Variants in RBL2 observed in about 807,000 individuals in gnomAD.
The protein encoded by RBL2 is RB transcriptional corepressor like 2, also known as retinoblastoma-like protein 2.
In RBL2, 56 loss-of-function variants were observed where a neutral mutation model predicts 126.0. The observed-to-expected ratio is 0.44, with a 90% CI of 0.36 to 0.56. The LOEUF is 0.56. Among genes scored for constraint, RBL2 ranks in the 20% least tolerant of loss-of-function variants. RBL2 has a pLI of 0.00. For synonymous variants in RBL2, 454 were observed against 478.5 expected (o/e 0.95, Z 0.67); for missense variants, 1,229 against 1,398.2 (o/e 0.88, Z 1.93).
chr16:53,480,465 C>T lies in RBL2; in HGVS notation c.2882-102C>T, dbSNP rs2150824801. On this transcript the variant is annotated intron_variant, in intron 19 of 21. Transcript: ENST00000262133. Reference sequence around the variant, plus strand: ...CAGAGTGCCTATTCACTGTTATTAGCAAGTAGTGCAGGTAGCTGTTCCCTT... The same window carrying T: ...CAGAGTGCCTATTCACTGTTATTAGTAAGTAGTGCAGGTAGCTGTTCCCTT... 3.2e-6 allele frequency: 3 copies of T among 930,336 alleles called. No individual in the cohort carries two copies. In the South Asian group the frequency reaches 4.9e-5, roughly 15 times the overall value. The allele number at this position is 930,336 out of a possible 1,614,324, so 57.6% of individuals were successfully genotyped here.
At chr16:53,441,287 G>A (rs888121650) in intron 2 of RBL2, among the ~76,000 whole-genome samples, 1 of 151,974 alleles carries the variant, frequency 6.6e-6, no homozygotes, top group Non-Finnish European at 1.5e-5. Context: ...GGTGTACATT[G>A]GTGAGAGTCA....
chr16:53,479,989 G>A lies in RBL2; in HGVS notation c.2879G>A (p.Arg960Lys). 6.3e-7 allele frequency: 1 copy of A among 1,581,300 alleles called. No individual in the cohort carries two copies. The highest frequency in any genetic ancestry group is 1.1e-5 in the South Asian group (1 of 87,622). The change falls in exon 19 of 22, where the codon AGA becomes AAA. Residue 960 changes from arginine (R) to lysine (K), a missense_variant and splice_region_variant. Coordinates refer to ENST00000262133, the MANE Select transcript of RBL2 (RefSeq NM_005611.4). ...TCTCCAACAGAACTAAACAAAGATA[G>A]AAGTAAGTGGGATCTTTGTGAACTA... ...QNSPTELNKD[R>K]TSRDSSPVMR... is the part of the protein sequence containing the mutation.
At chr16:53,462,678 T>A in intron 11 of RBL2, 23 bp downstream of exon 11, 1 of 1,411,652 alleles carries the variant, frequency 7.1e-7, no homozygotes, top group Non-Finnish European at 9.7e-7. Context: ...ACCAATGTAT[T>A]GATCAGCGCA....
chr16:53,479,431 T>TG lies in RBL2; in HGVS notation c.2775+206_2775+207insG. 3 of 551,722 alleles carry TG rather than the reference T, an allele frequency of 5.4e-6. No homozygotes were observed. The South Asian group carries it at 7.5e-5, about 14-fold the overall frequency. 34.2% of individuals were successfully genotyped at this position (551,722 alleles called of 1,614,324 possible). ...CTCAAAAGGCAACAATGTTAAATAT[T>TG]TGATTGCCTTCTTAATTCAGAAAAA... On this transcript the variant is annotated intron_variant, in intron 18 of 21. Transcript: ENST00000262133.
chr16:53,486,509 T>C (rs974269539), intron 21 of RBL2, among the ~76,000 whole-genome samples: 1 of 152,140 alleles, frequency 6.6e-6, no homozygotes, highest in African/African-American at 2.4e-5. Flanking sequence ...GAAGAAATAA[T>C]GCCAATTCTA....
At position 53,483,520 on chromosome 16, in the gene RBL2, A is replaced by C. The variant is rs144170944; in HGVS notation, c.3249+1685A>C. On this transcript the variant is annotated intron_variant, in intron 21 of 21. Coordinates refer to ENST00000262133, the MANE Select transcript of RBL2 (RefSeq NM_005611.4). ...GCCACCACACTCCAGCCTGGGCAATAAAGTGAGAAACCCTGTCTGTTTGGA... is the reference window on the plus strand; with the variant it reads ...GCCACCACACTCCAGCCTGGGCAATCAAGTGAGAAACCCTGTCTGTTTGGA... 4.5e-3 allele frequency among the ~76,000 whole-genome samples: 687 copies of C among 152,180 alleles called. 2 individuals are homozygous for C. The highest frequency in any genetic ancestry group is 0.016 in the African/African-American group (666 of 41,548).
At chr16:53,452,653 T>C (rs938135533) in intron 5 of RBL2, among the ~76,000 whole-genome samples, 2 of 152,128 alleles carry the variant, frequency 1.3e-5, no homozygotes, top group African/African-American at 4.8e-5. Flanking sequence ...TTATCTTTTT[T>C]TTGTTTTAAA....
Position 53,470,495 on chromosome 16 carries a change from T to A in RBL2, c.2358T>A (p.Ala786=), listed in dbSNP as rs181561085. ...AGCCCCTCAGTGCTCAGGCCCTGGC[T>A]GGAAGTCTGAGCTCTCAACAGGTGA... ...SIQPLSAQAL[A]GSLSSQQVTG... is the part of the protein sequence containing the mutation. The change falls in exon 16 of 22, where the codon GCT becomes GCA. Residue 786 remains alanine (A), a synonymous_variant. Transcript: ENST00000262133. 15 of 1,614,170 alleles carry A rather than the reference T, an allele frequency of 9.3e-6. No homozygotes were observed. The highest frequency in any genetic ancestry group is 1.3e-5 in the Non-Finnish European group (15 of 1,180,036).
At chr16:53,486,340 T>C (rs756111298) in intron 21 of RBL2, among the ~76,000 whole-genome samples, 8 of 152,086 alleles carry the variant, frequency 5.3e-5, no homozygotes, top group Non-Finnish European at 1.0e-4. Context: ...GCACATGAAA[T>C]AGACAAATTC....
chr16:53,481,083 T>C (rs565060258), intron 20 of RBL2: 2 of 213,988 alleles, frequency 9.3e-6, no homozygotes, highest in South Asian at 1.5e-4. Context: ...TGTTTGAACA[T>C]GGGAGGCGGT....
In RBL2 at chr16:53,453,902, T is replaced by C. The variant is rs955285081; in HGVS notation, c.992+133T>C. The C allele has an allele frequency of 1.4e-5, 10 of 738,896 alleles. No homozygotes were observed. In the African/African-American group the frequency reaches 1.6e-4, roughly 12 times the overall value. 45.8% of individuals were successfully genotyped at this position (738,896 alleles called of 1,614,324 possible). ...GTGAGAGAATACAGGGAAGCAAAAA[T>C]TCTGTCACCTAAATATAAGCACACT... On this transcript the variant is annotated intron_variant, in intron 7 of 21. Transcript: ENST00000262133.
At chr16:53,461,881 TG>T in intron 10 of RBL2, 31 bp downstream of exon 10, 1 of 1,550,454 alleles carries the variant, frequency 6.4e-7, no homozygotes, top group South Asian at 1.1e-5. Flanking sequence ...TCTGCTTTTA[TG>T]TTTGAAGTTT....
At chr16:53,477,482 G>T (rs1960774130) in intron 17 of RBL2, among the ~76,000 whole-genome samples, 1 of 152,020 alleles carries the variant, frequency 6.6e-6, no homozygotes, top group African/African-American at 2.4e-5. Flanking sequence ...GGCCTACAGG[G>T]TGCAGGCATG....
intron 8 of RBL2, among the ~76,000 whole-genome samples, chr16:53,457,258 C>CTTT (rs756763534): frequency 1.7e-4 from 15 of 89,934 alleles, no homozygotes; most frequent in African/African-American, 2.4e-4. Flanking sequence ...GTACAGATAG[C>CTTT]TTTTTTTTTT....
chr16:53,483,787 G>C (rs1961048278), intron 21 of RBL2, among the ~76,000 whole-genome samples: 1 of 151,448 alleles, frequency 6.6e-6, no homozygotes, highest in Non-Finnish European at 1.5e-5. Context: ...CAGCTACTCA[G>C]AATCGCTTGA....
intron 17 of RBL2, among the ~76,000 whole-genome samples, chr16:53,474,300 C>G (rs1320275320): frequency 1.7e-5 from 2 of 119,464 alleles, no homozygotes; most frequent in East Asian, 4.1e-4. Context: ...TGCTGTAATT[C>G]TTTTATTTAT....
At chr16:53,451,111 T>C (rs1447063357) in intron 4 of RBL2, among the ~76,000 whole-genome samples, 3 of 152,204 alleles carry the variant, frequency 2.0e-5, no homozygotes, top group African/African-American at 7.2e-5. Context: ...AAAAGACCAA[T>C]GATAAAGTTT....
chr16:53,463,655 A>G (rs1021002730), intron 11 of RBL2, among the ~76,000 whole-genome samples: 6 of 130,782 alleles, frequency 4.6e-5, no homozygotes, highest in South Asian at 2.3e-4. Context: ...TGCAACCTCT[A>G]CCTCCTGGGT....
chr16:53,467,036 C>T (rs2058278963), intron 13 of RBL2, 22 bp from the exon 14 acceptor site: 4 of 1,566,392 alleles, frequency 2.6e-6, no homozygotes, highest in Non-Finnish European at 3.5e-6. Context: ...TACTGGCATT[C>T]TGTGTAACCA....
Sources: allele counts gnomAD v4.1 joint callset (sites outside exome capture counted in the v4.1 genomes callset), GRCh38; gene constraint gnomAD v4.1.1; transcripts MANE v1.5; gene names NCBI Gene and HGNC (gene_info 2026-07-23, HGNC 2026-07-21).